The following SLC14A2 variants were observed in gnomAD, a reference collection of about 807,000 sequenced individuals.
The protein encoded by SLC14A2 is urea transporter 2.
In SLC14A2, 91 loss-of-function variants were observed where a neutral mutation model predicts 104.6. That is an observed-to-expected ratio of 0.87 (90% CI 0.73 to 1.04). The LOEUF is 1.04. SLC14A2 is among the 50% of genes least tolerant of loss of function. SLC14A2 has a pLI of 0.00. For missense variants in SLC14A2, 1,189 were observed against 1,156.0 expected (o/e 1.03, Z -0.41); for synonymous variants, 476 against 466.4 (o/e 1.02, Z -0.27).
chr18:45,252,390 G>A (rs2084432334), intron 1 of SLC14A2, among the ~76,000 whole-genome samples: 1 of 152,190 alleles, frequency 6.6e-6, no homozygotes, highest in African/African-American at 2.4e-5. Context: ...ATTTTTAAGA[G>A]GGGTGTCCCT....
At chr18:45,287,820 T>C (rs560240858) in intron 1 of SLC14A2, among the ~76,000 whole-genome samples, 6 of 152,194 alleles carry the variant, frequency 3.9e-5, no homozygotes, top group African/African-American at 1.2e-4. Flanking sequence ...CTCCCTCTGC[T>C]GATACCAGCG....
upstream of SLC14A2, among the ~76,000 whole-genome samples, chr18:45,208,199 T>G (rs1306017263): frequency 2.6e-5 from 4 of 152,206 alleles, no homozygotes; most frequent in Admixed American, 6.5e-5. Flanking sequence ...CACAAAAATT[T>G]GGGCTTGGAG....
chr18:45,459,940 C>A (rs1214240894), intron 1 of SLC14A2, among the ~76,000 whole-genome samples: 1 of 152,214 alleles, frequency 6.6e-6, no homozygotes, highest in African/African-American at 2.4e-5. Context: ...ACATCTCCTT[C>A]CTCAAAACCT....
intron 2 of SLC14A2, among the ~76,000 whole-genome samples, chr18:45,538,723 A>G (rs1370202484): frequency 6.6e-6 from 1 of 152,214 alleles, no homozygotes; most frequent in African/African-American, 2.4e-5. Context: ...ACCCTGCTAC[A>G]ATATGGGAAG....
intron 2 of SLC14A2, among the ~76,000 whole-genome samples, chr18:45,539,505 T>C (rs1421226053): frequency 6.6e-6 from 1 of 152,086 alleles, no homozygotes; most frequent in African/African-American, 2.4e-5. Flanking sequence ...GAGCTGAGGA[T>C]CAGATCAAAT....
chr18:45,475,603 T>TTATATATATATTTAGGATATATATATATA (rs2087346227), intron 1 of SLC14A2, among the ~76,000 whole-genome samples: 1 of 105,832 alleles, frequency 9.4e-6, no homozygotes, highest in Non-Finnish European at 1.9e-5. Context: ...TATGTTTAGG[T>TTATATATATATTTAGGATATATATATATA]TATATATATA....
At chr18:45,404,396 G>A (rs2086130905) in intron 1 of SLC14A2, among the ~76,000 whole-genome samples, 1 of 152,092 alleles carries the variant, frequency 6.6e-6, no homozygotes, top group Non-Finnish European at 1.5e-5. Context: ...TGGTCTTGAG[G>A]GCTCAGGGAA....
intron 1 of SLC14A2, among the ~76,000 whole-genome samples, chr18:45,235,884 C>G (rs1442108525): frequency 1.2e-5 from 1 of 86,910 alleles, no homozygotes; most frequent in African/African-American, 4.9e-5. Context: ...TGTATATATA[C>G]ATATATGTGT....
chr18:45,576,663 G>C (rs1476534136), intron 2 of SLC14A2, among the ~76,000 whole-genome samples: 1 of 152,066 alleles, frequency 6.6e-6, no homozygotes, highest in Non-Finnish European at 1.5e-5. Flanking sequence ...CTCCCTCCCT[G>C]TCTCTGTGGT....
At chr18:45,271,334 G>T (rs918763709) in intron 1 of SLC14A2, among the ~76,000 whole-genome samples, 1 of 152,122 alleles carries the variant, frequency 6.6e-6, no homozygotes, top group Non-Finnish European at 1.5e-5. Flanking sequence ...CCCTTGGGAG[G>T]TGATTCTAGG....
chr18:45,638,691 T>C (rs1233159884), intron 6 of SLC14A2, among the ~76,000 whole-genome samples: 8 of 152,204 alleles, frequency 5.3e-5, no homozygotes. Context: ...GTTAAGCACC[T>C]ATGGTGTACC....
the SLC14A2 span, among the ~76,000 whole-genome samples, chr18:45,179,454 C>T: frequency 3.3e-5 from 5 of 151,988 alleles, no homozygotes; most frequent in Admixed American, 6.5e-5. Flanking sequence ...TTTCTTAATG[C>T]ACTCTTTTGA....
chr18:45,253,061 T>A (rs912992694), intron 1 of SLC14A2, among the ~76,000 whole-genome samples: 2 of 152,178 alleles, frequency 1.3e-5, no homozygotes, highest in African/African-American at 4.8e-5. Flanking sequence ...CCTACAGTCT[T>A]TTCCTGCTCC....
At chr18:45,255,217 A>G (rs1468411439) in intron 1 of SLC14A2, among the ~76,000 whole-genome samples, 1 of 151,640 alleles carries the variant, frequency 6.6e-6, no homozygotes, top group African/African-American at 2.4e-5. Context: ...TCCCTCTCCC[A>G]GGGGCTTGCT....
At chr18:45,448,025 C>T (rs1349057625) in intron 1 of SLC14A2, among the ~76,000 whole-genome samples, 1 of 152,226 alleles carries the variant, frequency 6.6e-6, no homozygotes, top group Non-Finnish European at 1.5e-5. Context: ...CAAAACAAGA[C>T]TGAGTATGGC....
chr18:45,610,625 C>T (rs2044957548), upstream of SLC14A2, among the ~76,000 whole-genome samples: 2 of 152,194 alleles, frequency 1.3e-5, no homozygotes, highest in African/African-American at 4.8e-5. Flanking sequence ...AAAGGAACCC[C>T]TGTCTCCTGG....
chr18:45,287,526 C>A (rs1306588866), intron 1 of SLC14A2, among the ~76,000 whole-genome samples: 1 of 152,160 alleles, frequency 6.6e-6, no homozygotes, highest in African/African-American at 2.4e-5. Flanking sequence ...GGAGTGGGGA[C>A]TCTACTGGAC....
At chr18:45,589,674 G>C (rs2044619435) in intron 2 of SLC14A2, among the ~76,000 whole-genome samples, 1 of 152,208 alleles carries the variant, frequency 6.6e-6, no homozygotes, top group Non-Finnish European at 1.5e-5. Flanking sequence ...GCCGCCTCCA[G>C]CTGCGAGTGT....
intron 10 of SLC14A2, among the ~76,000 whole-genome samples, chr18:45,659,496 T>C (rs1420861654): frequency 6.6e-6 from 1 of 152,240 alleles, no homozygotes. Context: ...CCATCTTCCA[T>C]GGCCTATTTT....
Sources: allele counts gnomAD v4.1 joint callset (sites outside exome capture counted in the v4.1 genomes callset), GRCh38; gene constraint gnomAD v4.1.1; transcripts MANE v1.5; gene names NCBI Gene and HGNC (gene_info 2026-07-23, HGNC 2026-07-21).